GRID1: variants seen among roughly 807,000 people sequenced by gnomAD.
GRID1 encodes the protein glutamate ionotropic receptor delta type subunit 1.
A neutral mutation model predicts 98.0 loss-of-function variants in GRID1; 28 were observed. The ratio of observed to expected loss-of-function variants is 0.29; its 90% confidence interval spans 0.21 to 0.39. The LOEUF is 0.39. Among genes scored for constraint, GRID1 ranks in the 10% least tolerant of loss-of-function variants. The pLI is 1.00. For synonymous variants in GRID1, 553 were observed against 538.5 expected, an observed-to-expected ratio of 1.03 and a Z score of -0.37; for missense variants, 1,111 against 1,340.5, an observed-to-expected ratio of 0.83 and a Z score of 2.67.
At chr10:86,277,123 G>A (rs926558887) in intron 2 of GRID1, among the ~76,000 whole-genome samples, 22 of 152,202 alleles carry the variant, frequency 1.4e-4, no homozygotes, top group African/African-American at 4.1e-4. Context: ...AGATTAAAAT[G>A]TTCTCAAGAT....
intron 4 of GRID1, among the ~76,000 whole-genome samples, chr10:85,922,600 T>C (rs986322822): frequency 3.9e-5 from 6 of 152,152 alleles, no homozygotes; most frequent in Admixed American, 1.3e-4. Context: ...GGACAGATAT[T>C]GAGCTCACGT....
chr10:85,822,624 G>A (rs1842783498), intron 8 of GRID1, among the ~76,000 whole-genome samples: 1 of 152,186 alleles, frequency 6.6e-6, no homozygotes, highest in African/African-American at 2.4e-5. Flanking sequence ...GTGGAAGTCG[G>A]TGTGGCGATT....
In GRID1 at chr10:85,950,144, T is replaced by G. The variant is rs567395914; in HGVS notation, c.727-33905A>C. Among the ~76,000 whole-genome samples, 10 of 152,266 alleles carry G rather than the reference T, an allele frequency of 6.6e-5. No individual in the cohort carries two copies. The South Asian group carries it at 2.1e-3, about 32-fold the overall frequency. The stretch of plus-strand genomic sequence containing the variant: ...CTTAAATTCCTTCCTTTTACTTTCA[T>G]GGAAATAGGGAGCAGACAAAACACA... On this transcript the variant is annotated intron_variant, in intron 4 of 15. Coordinates refer to ENST00000327946, the MANE Select transcript of GRID1 (RefSeq NM_017551.3).
intron 4 of GRID1, among the ~76,000 whole-genome samples, chr10:86,087,500 G>T (rs1370467436): frequency 1.4e-5 from 2 of 145,880 alleles, no homozygotes; most frequent in Non-Finnish European, 3.0e-5. Context: ...ATCCAAGTGT[G>T]TGTGTGTGTC....
At chr10:85,822,442 C>T (rs1842781564) in intron 8 of GRID1, among the ~76,000 whole-genome samples, 2 of 152,224 alleles carry the variant, frequency 1.3e-5, no homozygotes, top group Non-Finnish European at 2.9e-5. Context: ...AAAAAATGCT[C>T]ATCATCACTG....
intron 4 of GRID1, among the ~76,000 whole-genome samples, chr10:86,072,214 T>C (rs1325827827): frequency 1.3e-5 from 2 of 152,150 alleles, no homozygotes; most frequent in Non-Finnish European, 1.5e-5. Flanking sequence ...AGGTAGTGTC[T>C]GGCAACAATC....
chr10:86,133,938 A>G (rs896557969), intron 4 of GRID1, among the ~76,000 whole-genome samples: 1 of 152,222 alleles, frequency 6.6e-6, no homozygotes, highest in African/African-American at 2.4e-5. Flanking sequence ...GTTTAAAATC[A>G]TTTAATTTTT....
intron 3 of GRID1, among the ~76,000 whole-genome samples, chr10:86,193,971 C>T (rs1023787510): frequency 7.9e-5 from 12 of 152,056 alleles, no homozygotes; most frequent in African/African-American, 2.4e-4. Flanking sequence ...TTATCTGGTT[C>T]TCTGATTTTG....
intron 6 of GRID1, among the ~76,000 whole-genome samples, chr10:85,867,294 G>A (rs1843230439): frequency 6.6e-6 from 1 of 152,194 alleles, no homozygotes; most frequent in East Asian, 1.9e-4. Flanking sequence ...AGGAGACTGA[G>A]TGCAGTTTAA....
At chr10:86,159,042 C>T (rs1301636877) in intron 3 of GRID1, among the ~76,000 whole-genome samples, 14 of 152,082 alleles carry the variant, frequency 9.2e-5, no homozygotes, top group Admixed American at 7.2e-4. Context: ...CACAGGCGCC[C>T]GCGACCATGC....
chr10:86,086,993 G>T (rs966653842), intron 4 of GRID1, among the ~76,000 whole-genome samples: 9 of 152,174 alleles, frequency 5.9e-5, no homozygotes, highest in Admixed American at 5.2e-4. Flanking sequence ...AAGTTCCTTT[G>T]CTTTCTTGCC....
At chr10:85,654,759 TG>T (rs1385039422) in intron 12 of GRID1, among the ~76,000 whole-genome samples, 5 of 152,238 alleles carry the variant, frequency 3.3e-5, no homozygotes, top group African/African-American at 1.2e-4. Context: ...CCATCAGTAC[TG>T]AGGCTCCCAC....
chr10:86,359,071 G>C (rs1848569363), intron 2 of GRID1, among the ~76,000 whole-genome samples: 1 of 152,200 alleles, frequency 6.6e-6, no homozygotes, highest in South Asian at 2.1e-4. Context: ...TTAGGCTTCT[G>C]ACCTGCAGAA....
intron 3 of GRID1, among the ~76,000 whole-genome samples, chr10:86,181,752 G>A (rs750294622): frequency 6.6e-6 from 1 of 152,218 alleles, no homozygotes; most frequent in Non-Finnish European, 1.5e-5. Context: ...GATTAAGAGA[G>A]TCATGTTGTA....
At chr10:86,019,877 A>T (rs1320851837) in intron 4 of GRID1, among the ~76,000 whole-genome samples, 1 of 152,252 alleles carries the variant, frequency 6.6e-6, no homozygotes, top group Non-Finnish European at 1.5e-5. Flanking sequence ...GGCAGCAGCC[A>T]GCTCACTGGC....
At chr10:86,058,954 G>A (rs943344468) in intron 4 of GRID1, among the ~76,000 whole-genome samples, 2 of 152,188 alleles carry the variant, frequency 1.3e-5, no homozygotes, top group Non-Finnish European at 2.9e-5. Context: ...GGCCCTGTGA[G>A]GACATAACAC....
chr10:85,831,153 T>A (rs1251344750), intron 8 of GRID1, among the ~76,000 whole-genome samples: 1 of 152,136 alleles, frequency 6.6e-6, no homozygotes, highest in Non-Finnish European at 1.5e-5. Context: ...ATCATGTCCT[T>A]TGCAGAAAAT....
At position 85,601,393 on chromosome 10, in the gene GRID1, C is replaced by A. The variant is rs190991586; in HGVS notation, c.*880G>T. 6.6e-6 allele frequency: 1 copy of A among 152,306 alleles called. No homozygotes were observed. Among genetic ancestry groups the A allele is most frequent in the Non-Finnish European group, 1.5e-5 (1 of 68,116 alleles). 9.4% of individuals were successfully genotyped at this position (152,306 alleles called of 1,614,324 possible). ...TAACCCCACCTCGCAACTCCCTGCC[C>A]CCATGGACCTTCTTCCAGACCAACC... On this transcript the variant is annotated 3_prime_UTR_variant, in exon 16 of 16. Coordinates refer to ENST00000327946, the MANE Select transcript of GRID1 (RefSeq NM_017551.3).
chr10:86,247,859 G>T (rs1303160418), intron 2 of GRID1, among the ~76,000 whole-genome samples: 1 of 152,180 alleles, frequency 6.6e-6, no homozygotes, highest in Non-Finnish European at 1.5e-5. Flanking sequence ...ACAGAGCCCA[G>T]GCAGAGTCTG....
Sources: allele counts gnomAD v4.1 joint callset (sites outside exome capture counted in the v4.1 genomes callset), GRCh38; gene constraint gnomAD v4.1.1; transcripts MANE v1.5; gene names NCBI Gene and HGNC (gene_info 2026-07-23, HGNC 2026-07-21).